The following MGAM variants were observed in gnomAD, a reference collection of about 807,000 sequenced individuals.
MGAM encodes the protein maltase-glucoamylase.
A neutral mutation model predicts 358.8 loss-of-function variants in MGAM; 253 were observed. The ratio of observed to expected loss-of-function variants is 0.71; its 90% confidence interval spans 0.64 to 0.78. The LOEUF (loss-of-function observed/expected upper bound fraction) is 0.78, where lower values mean the gene tolerates loss of function less well. Ranked by LOEUF, MGAM falls within the 30% of genes least tolerant of loss-of-function variation. MGAM has a pLI of 0.00. For missense variants in MGAM, 3,080 were observed against 3,432.6 expected, an observed-to-expected ratio of 0.90 and a Z score of 2.57; for synonymous variants, 1,105 against 1,227.1, an observed-to-expected ratio of 0.90 and a Z score of 2.08.
rs1316660149 is a variant in MGAM, at chr7:142,092,241, ACT to A, written c.6945+195_6945+196del. On this transcript the variant is annotated intron_variant, in intron 58 of 70. Transcript: ENST00000475668. ...ACCTTCTACCAGACCTGACATTACTACTATAAAACCTCTGAGGCAATTGACTA... is the reference window on the plus strand; with the variant it reads ...ACCTTCTACCAGACCTGACATTACTAATAAAACCTCTGAGGCAATTGACTA... Among the ~76,000 whole-genome samples, 2 of 146,094 alleles carry A rather than the reference ACT, an allele frequency of 1.4e-5. 1 individual carries two copies. The highest frequency in any genetic ancestry group is 3.1e-5 in the Non-Finnish European group (2 of 64,510).
chr7:142,030,894 A>G lies in MGAM; in HGVS notation c.1470+137A>G, dbSNP rs904123450. On this transcript the variant is annotated intron_variant, in intron 12 of 70. Transcript: ENST00000475668. ...GTATATTTATATATGCTGGGGATAA[A>G]TTCTCCTCTGCCCTTTCATGCCCAA... 6 of 651,088 alleles carry G rather than the reference A, an allele frequency of 9.2e-6. No individual in the cohort carries two copies. In the Admixed American group the frequency reaches 1.4e-4, roughly 15 times the overall value. The allele number at this position is 651,088 out of a possible 1,614,324, so 40.3% of individuals were successfully genotyped here. A position where few individuals can be genotyped will look rare whatever the true frequency, so the allele number is the denominator to read the frequency against.
intron 30 of MGAM, among the ~76,000 whole-genome samples, chr7:142,057,473 G>T (rs1485539315): frequency 6.8e-6 from 1 of 147,078 alleles, no homozygotes; most frequent in Non-Finnish European, 1.5e-5. Context: ...GAGGTGGTGT[G>T]AGGAGTGTGA....
chr7:142,077,754 T>A (rs1324567472), intron 47 of MGAM, among the ~76,000 whole-genome samples: 1 of 145,650 alleles, frequency 6.9e-6, no homozygotes, highest in African/African-American at 2.4e-5. Context: ...ATATACTCCA[T>A]AAATATGTAT....
intron 66 of MGAM, 136 bp downstream of exon 66, chr7:142,097,785 T>C (rs1236381831): frequency 2.3e-5 from 20 of 876,350 alleles, no homozygotes; most frequent in Admixed American, 5.2e-5. Flanking sequence ...ACTTTAACCC[T>C]TGTAACCTCG....
intron 67 of MGAM, among the ~76,000 whole-genome samples, chr7:142,100,585 T>C (rs1816353194): frequency 6.6e-6 from 1 of 152,198 alleles, no homozygotes. Context: ...TAAAGCAGAA[T>C]CCTCTTGATT....
In MGAM at chr7:142,052,941, G is replaced by A. The variant is rs139662456; in HGVS notation, c.3116G>A (p.Arg1039His). 3.1e-3 allele frequency: 5,082 copies of A among 1,613,716 alleles called. 117 individuals are homozygous for A. The African/African-American group carries it at 0.055, about 18-fold the overall frequency. The stretch of plus-strand genomic sequence containing the variant: ...CCCTCCACACCCGTGAACCCCCTTC[G>A]CCTGGATGTCACTTACCATAAGAAT... ...AFPSTPVNPLRLDVTYHKNEM... is the reference protein window; with the variant it reads ...AFPSTPVNPLHLDVTYHKNEM... The change falls in exon 26 of 71, where the codon CGC becomes CAC. Residue 1039 changes from arginine (R) to histidine (H), a missense_variant. Coordinates refer to ENST00000475668, the MANE Select transcript of MGAM (RefSeq NM_001365693.1).
At chr7:141,990,292 C>T (rs1213564736) in intron 2 of MGAM, among the ~76,000 whole-genome samples, 1 of 151,866 alleles carries the variant, frequency 6.6e-6, no homozygotes, top group African/African-American at 2.4e-5. Flanking sequence ...TTCATTCCCT[C>T]CTCATATCTA....
At chr7:142,079,057 A>G (rs753934728) in intron 49 of MGAM, 49 bp downstream of exon 49, 1 of 1,439,286 alleles carries the variant, frequency 6.9e-7, no homozygotes, top group South Asian at 1.2e-5. Context: ...TTTCAGTTCC[A>G]TTATCTTTTT....
At chr7:142,058,423 A>G in intron 31 of MGAM, 95 bp downstream of exon 31, 1 of 1,567,046 alleles carries the variant, frequency 6.4e-7, no homozygotes, top group Non-Finnish European at 8.6e-7. Flanking sequence ...TTCCATAAAG[A>G]CATAAAGTTC....
At chr7:142,038,720 C>A in intron 19 of MGAM, 105 bp downstream of exon 19, 1 of 780,038 alleles carries the variant, frequency 1.3e-6, no homozygotes, top group Non-Finnish European at 2.0e-6. Context: ...ACATCTGTGA[C>A]TGAGTCAGCC....
intron 68 of MGAM, among the ~76,000 whole-genome samples, chr7:142,101,405 G>A (rs1341269800): frequency 6.6e-6 from 1 of 150,798 alleles, no homozygotes; most frequent in Non-Finnish European, 1.5e-5. Flanking sequence ...ATCTTCTGCT[G>A]TTCAATATTG....
rs373158040 is a variant in MGAM, at chr7:142,066,705, C to T, written c.4903C>T (p.Arg1635Trp). ...CCACACGGAGGGCGTCACTGTTGTG[C>T]GGCCTCTGCTCCATGAGTGAGTGTC... is the stretch of plus-strand genomic sequence containing the variant. ...KAHTEGVTVV[R>W]PLLHEFVSDQ... The change falls in exon 41 of 71, where the codon CGG (arginine) becomes TGG (tryptophan). Residue 1635 changes from arginine (R) to tryptophan (W), a missense_variant. Physicochemically the swap from Arg to Trp is moderately radical, Grantham distance 101. This residue lies in a region of MGAM where 134 missense variants were observed against 198.4 expected (regional missense o/e 0.68). Coordinates refer to ENST00000475668, the MANE Select transcript of MGAM (RefSeq NM_001365693.1). 1.9e-5 allele frequency: 29 copies of T among 1,555,196 alleles called. 5 individuals carry two copies. Among genetic ancestry groups the T allele is most frequent in the African/African-American group, 2.7e-5 (2 of 74,546 alleles).
chr7:142,046,415 T>C (rs1810421788), intron 21 of MGAM, among the ~76,000 whole-genome samples: 1 of 151,938 alleles, frequency 6.6e-6, no homozygotes, highest in Non-Finnish European at 1.5e-5. Flanking sequence ...CCTCCAGAGA[T>C]GATTTGCCTT....
chr7:142,079,871 T>C (rs1262798619), intron 49 of MGAM, among the ~76,000 whole-genome samples: 1 of 146,526 alleles, frequency 6.8e-6, no homozygotes, highest in Non-Finnish European at 1.5e-5. Context: ...TGTTGTATGT[T>C]TGTACCCTCA....
intron 4 of MGAM, 140 bp from the exon 5 acceptor site, chr7:142,020,834 C>T (rs944890776): frequency 1.6e-6 from 1 of 640,656 alleles, no homozygotes; most frequent in African/African-American, 1.9e-5. Flanking sequence ...CCTTGTGATC[C>T]ACCTGCCTTG....
chr7:142,020,603 A>ATT lies in MGAM; in HGVS notation c.449-356_449-355dup, dbSNP rs35169560. 2.5e-3 allele frequency among the ~76,000 whole-genome samples: 333 copies of ATT among 132,604 alleles called. 2 individuals are homozygous for ATT. Among genetic ancestry groups the ATT allele is most frequent in the African/African-American group, 5.4e-3 (188 of 34,984 alleles). The allele number at this position is 132,604 out of a possible 152,430, so 87.0% of individuals were successfully genotyped here. ...TGTATCCTAATATATATATATATAT[A>ATT]TTTTTTTTTTTTTTTTGAGAAGGAG... On this transcript the variant is annotated intron_variant, in intron 4 of 70. Transcript: ENST00000475668.
At chr7:142,094,941 T>C (rs1266841671) in intron 63 of MGAM, 78 bp downstream of exon 63, 1 of 1,443,530 alleles carries the variant, frequency 6.9e-7, no homozygotes, top group Non-Finnish European at 9.4e-7. Context: ...ATGCAGTCTG[T>C]ATTTCCTGTG....
At chr7:142,080,722 AAAGGTTCTGCT>A in intron 49 of MGAM, 58 bp from the exon 50 acceptor site, 1 of 1,345,430 alleles carries the variant, frequency 7.4e-7, no homozygotes, top group Non-Finnish European at 1.0e-6. Flanking sequence ...CAAAAATCAA[AAAGGTTCTGCT>A]AAGGGTATAG....
chr7:142,019,858 C>G (rs1374837447), intron 4 of MGAM, among the ~76,000 whole-genome samples: 1 of 152,112 alleles, frequency 6.6e-6, no homozygotes, highest in East Asian at 1.9e-4. Flanking sequence ...CACCTGAGCT[C>G]AGGAGTTTGA....
Sources: gnomAD v4.1 joint callset for allele counts (sites outside exome capture counted in the v4.1 genomes callset) on GRCh38, gnomAD v4.1.1 for gene constraint, gnomAD v4.1.1 regional missense constraint, MANE v1.5 for transcripts, NCBI Gene and HGNC (gene_info 2026-07-23, HGNC 2026-07-21) for gene names.